NANOS3: variants seen among roughly 807,000 people sequenced by gnomAD.
NANOS3 encodes the protein nanos C2HC-type zinc finger 3.
In NANOS3, 11 loss-of-function variants were observed where a neutral mutation model predicts 13.8. The observed-to-expected ratio is 0.80, with a 90% CI of 0.50 to 1.32. The LOEUF is 1.32. Ranked by LOEUF, NANOS3 falls within the 40% of genes most tolerant of loss-of-function variation. The probability of loss-of-function intolerance (pLI) is 0.00; values close to 1 mark genes in which losing one functional copy is unlikely to be tolerated. For missense variants in NANOS3, 221 were observed against 263.8 expected, an observed-to-expected ratio of 0.84 and a Z score of 1.12; for synonymous variants, 119 against 115.4, an observed-to-expected ratio of 1.03 and a Z score of -0.20.
intron 1 of NANOS3, among the ~76,000 whole-genome samples, chr19:13,871,319 G>C (rs968508855): frequency 2.0e-5 from 3 of 152,122 alleles, no homozygotes; most frequent in African/African-American, 7.2e-5. Context: ...GATGTGTGAG[G>C]GGCATAGTCC....
At chr19:13,875,197 T>TC (rs1291190213), upstream of NANOS3, among the ~76,000 whole-genome samples, 5 of 151,944 alleles carry the variant, frequency 3.3e-5, no homozygotes, top group East Asian at 9.7e-4. Flanking sequence ...CCTTTTTTTT[T>TC]TTTTTTTAAG....
At position 13,866,823 on chromosome 19, in the gene NANOS3, CCCAA is replaced by C. The variant is rs1303813327; in HGVS notation, n.21+1391_21+1394del. On this transcript the variant is annotated intron_variant and non_coding_transcript_variant, in intron 1 of 2. Transcript: ENST00000591161. ...ACACACACAGACATCCATGTGTCCT[CCCAA>C]CCAAGTTCACACCTGCACACTCACA... 2.0e-5 allele frequency among the ~76,000 whole-genome samples: 3 copies of C among 152,096 alleles called. No homozygotes were observed. In the East Asian group the frequency reaches 5.8e-4, roughly 29 times the overall value.
chr19:13,871,011 T>G (rs1466143438), intron 1 of NANOS3, among the ~76,000 whole-genome samples: 1 of 151,306 alleles, frequency 6.6e-6, no homozygotes, highest in Non-Finnish European at 1.5e-5. Context: ...AGAAGCAAAA[T>G]GAAGGCCCTG....
intron 1 of NANOS3, among the ~76,000 whole-genome samples, chr19:13,879,736 A>G (rs1968592414): frequency 6.6e-6 from 1 of 152,022 alleles, no homozygotes; most frequent in African/African-American, 2.4e-5. Flanking sequence ...TTAAAAAAAA[A>G]AAAAAGCACT....
upstream of NANOS3, among the ~76,000 whole-genome samples, chr19:13,875,683 C>T (rs1968495198): frequency 6.6e-6 from 1 of 151,930 alleles, no homozygotes; most frequent in African/African-American, 2.4e-5. Context: ...GTAGCCGGAA[C>T]CACGGGCACG....
chr19:13,865,292 C>CT (rs914781522), upstream of NANOS3: 2 of 146,070 alleles, frequency 1.4e-5, no homozygotes, highest in South Asian at 2.1e-4. Flanking sequence ...GCCCCCTCCC[C>CT]CCCCCCGCCC....
upstream of NANOS3, among the ~76,000 whole-genome samples, chr19:13,873,091 G>A (rs1968428988): frequency 6.6e-6 from 1 of 152,244 alleles, no homozygotes; most frequent in South Asian, 2.1e-4. Flanking sequence ...TAAGGGGGCG[G>A]GCCCTAAGGG....
At chr19:13,870,533 T>C (rs1003100455) in intron 1 of NANOS3, among the ~76,000 whole-genome samples, 4 of 130,856 alleles carry the variant, frequency 3.1e-5, no homozygotes, top group Non-Finnish European at 6.5e-5. Context: ...TGTGGGGGGG[T>C]GGGGGCAAGG....
intron 1 of NANOS3, among the ~76,000 whole-genome samples, chr19:13,866,556 A>G (rs1182370717): frequency 2.6e-5 from 4 of 152,234 alleles, no homozygotes; most frequent in African/African-American, 7.2e-5. Flanking sequence ...ACGTGTGTAG[A>G]CACGTCACCC....
intron 1 of NANOS3, among the ~76,000 whole-genome samples, chr19:13,867,452 A>C (rs1045447101): frequency 2.0e-5 from 3 of 151,436 alleles, no homozygotes; most frequent in Non-Finnish European, 4.4e-5. Flanking sequence ...TTTTGTAGAG[A>C]TGGAGTTTTG....
intron 1 of NANOS3, chr19:13,865,568 C>G (rs1265790322): frequency 6.9e-6 from 1 of 145,816 alleles, no homozygotes; most frequent in African/African-American, 2.5e-5. Flanking sequence ...CCGGGGCGGG[C>G]GCCCCGGCCT....
At chr19:13,868,814 C>T (rs981789007) in intron 1 of NANOS3, among the ~76,000 whole-genome samples, 1 of 152,084 alleles carries the variant, frequency 6.6e-6, no homozygotes, top group Non-Finnish European at 1.5e-5. Flanking sequence ...AGACACCAGA[C>T]ACCCACGCAC....
chr19:13,878,935 CTTTCT>C (rs1599306355), intron 1 of NANOS3, among the ~76,000 whole-genome samples: 1 of 142,704 alleles, frequency 7.0e-6, no homozygotes, highest in Non-Finnish European at 1.5e-5. Context: ...TTCTTTCTTT[CTTTCT>C]TTTATTTGAT....
At chr19:13,871,384 C>A (rs967036401) in intron 1 of NANOS3, among the ~76,000 whole-genome samples, 2 of 152,176 alleles carry the variant, frequency 1.3e-5, no homozygotes, top group Non-Finnish European at 2.9e-5. Context: ...CAGATGGACA[C>A]TGAGGGCCAG....
At chr19:13,868,606 C>T (rs1206759567) in intron 1 of NANOS3, among the ~76,000 whole-genome samples, 1 of 151,126 alleles carries the variant, frequency 6.6e-6, no homozygotes, top group Non-Finnish European at 1.5e-5. Context: ...GCTTTGAGCC[C>T]AGGAGTTTGA....
chr19:13,867,267 C>T (rs371438392), intron 1 of NANOS3, among the ~76,000 whole-genome samples: 1 of 151,956 alleles, frequency 6.6e-6, no homozygotes, highest in South Asian at 2.1e-4. Context: ...TTTTTTGAGA[C>T]AGGGTCTCAC....
chr19:13,862,779 C>T (rs1599295194), upstream of NANOS3, among the ~76,000 whole-genome samples: 1 of 152,136 alleles, frequency 6.6e-6, no homozygotes, highest in Non-Finnish European at 1.5e-5. Flanking sequence ...CCTCGTGATC[C>T]GCCCGCCTCG....
upstream of NANOS3, among the ~76,000 whole-genome samples, chr19:13,873,757 G>A (rs1461686290): frequency 6.6e-6 from 1 of 152,074 alleles, no homozygotes; most frequent in African/African-American, 2.4e-5. Flanking sequence ...GGCCTGAGCC[G>A]CAGCACCCGG....
chr19:13,869,188 G>GT (rs1361758612), intron 1 of NANOS3, among the ~76,000 whole-genome samples: 1 of 152,068 alleles, frequency 6.6e-6, no homozygotes, highest in African/African-American at 2.4e-5. Flanking sequence ...TTTTTAATTT[G>GT]TTTTTTGTAG....
Sources: gnomAD v4.1 joint callset for allele counts (sites outside exome capture counted in the v4.1 genomes callset) on GRCh38, gnomAD v4.1.1 for gene constraint, MANE v1.5 for transcripts, NCBI Gene and HGNC (gene_info 2026-07-23, HGNC 2026-07-21) for gene names.